Variants in PDE1C observed in about 807,000 individuals in gnomAD.
PDE1C encodes the protein dual specificity calcium/calmodulin-dependent 3',5'-cyclic nucleotide phosphodiesterase 1C.
A neutral mutation model predicts 93.1 loss-of-function variants in PDE1C; 62 were observed. The ratio of observed to expected loss-of-function variants is 0.67; its 90% CI spans 0.54 to 0.82. PDE1C has a LOEUF of 0.82. PDE1C is among the 40% of genes least tolerant of loss of function. The probability of loss-of-function intolerance (pLI) is 0.00; values close to 1 mark genes in which losing one functional copy is unlikely to be tolerated. For synonymous variants in PDE1C, 325 were observed against 310.1 expected, an observed-to-expected ratio of 1.05 and a Z score of -0.50; for missense variants, 742 against 884.6, an observed-to-expected ratio of 0.84 and a Z score of 2.04.
At chr7:31,829,610 G>A (rs1790123351) in intron 11 of PDE1C, among the ~76,000 whole-genome samples, 2 of 152,108 alleles carry the variant, frequency 1.3e-5, no homozygotes, top group African/African-American at 4.8e-5. Flanking sequence ...TGTGTCTGAG[G>A]CAGCTCAACA....
At position 32,054,663 on chromosome 7, in the gene PDE1C, AG is replaced by A. The variant is rs370557794; in HGVS notation, c.102-3084del. Reference sequence around the variant, plus strand: ...AAGACAGACCAGAAGTCTGATTTTCAGTCCAACTCACCTTCCTGACACGCCC... The same window carrying A: ...AAGACAGACCAGAAGTCTGATTTTCATCCAACTCACCTTCCTGACACGCCC... On this transcript the variant is annotated intron_variant, in intron 1 of 17. Coordinates refer to ENST00000396191, the MANE Select transcript of PDE1C (RefSeq NM_001191057.4). Among the ~76,000 whole-genome samples, 120 of 152,352 alleles carry A rather than the reference AG, an allele frequency of 7.9e-4. 1 individual carries two copies. The highest frequency in any genetic ancestry group is 2.8e-3 in the African/African-American group (116 of 41,578).
intron 3 of PDE1C, among the ~76,000 whole-genome samples, chr7:32,146,787 G>T (rs567719712): frequency 6.6e-6 from 1 of 152,040 alleles, no homozygotes; most frequent in Non-Finnish European, 1.5e-5. Flanking sequence ...AGCGAATAAG[G>T]CATAGAAAAA....
chr7:32,388,133 T>C (rs576420025), intron 1 of PDE1C, among the ~76,000 whole-genome samples: 4 of 152,328 alleles, frequency 2.6e-5, no homozygotes, highest in Admixed American at 2.6e-4. Context: ...AATTAATACA[T>C]TGACTTTTAT....
At chr7:32,213,333 T>A (rs1181095969) in intron 1 of PDE1C, among the ~76,000 whole-genome samples, 1 of 152,184 alleles carries the variant, frequency 6.6e-6, no homozygotes, top group Non-Finnish European at 1.5e-5. Flanking sequence ...AACACTGAGA[T>A]GGTCCCTCGG....
chr7:31,702,966 A>T, the PDE1C span, among the ~76,000 whole-genome samples: 1 of 152,312 alleles, frequency 6.6e-6, no homozygotes, highest in Admixed American at 6.5e-5. Context: ...GAAATTGAAC[A>T]TGGTCTTTGG....
chr7:31,757,605 T>G (rs973977915), intron 17 of PDE1C, among the ~76,000 whole-genome samples: 1 of 152,140 alleles, frequency 6.6e-6, no homozygotes, highest in Non-Finnish European at 1.5e-5. Flanking sequence ...AGATACCATC[T>G]CACACCAGTT....
At chr7:32,326,062 A>T (rs1251957279) in intron 1 of PDE1C, among the ~76,000 whole-genome samples, 1 of 152,186 alleles carries the variant, frequency 6.6e-6, no homozygotes, top group Non-Finnish European at 1.5e-5. Flanking sequence ...TGAGGAAAAA[A>T]AAAAGGAATC....
intron 2 of PDE1C, among the ~76,000 whole-genome samples, chr7:32,018,739 C>G (rs1414905480): frequency 6.6e-6 from 1 of 152,070 alleles, no homozygotes; most frequent in East Asian, 1.9e-4. Flanking sequence ...ATATTTTAAA[C>G]TTAAACTTTG....
chr7:31,691,822 A>C, the PDE1C span, among the ~76,000 whole-genome samples: 9 of 141,648 alleles, frequency 6.4e-5, no homozygotes, highest in African/African-American at 1.3e-4. Context: ...AAAAAAAAAA[A>C]CCAAGCAAAA....
At chr7:31,888,712 T>A (rs1333443445) in intron 2 of PDE1C, among the ~76,000 whole-genome samples, 1 of 152,116 alleles carries the variant, frequency 6.6e-6, no homozygotes, top group Non-Finnish European at 1.5e-5. Context: ...TGATACAGAA[T>A]TGTATCAGAG....
intron 1 of PDE1C, among the ~76,000 whole-genome samples, chr7:32,362,830 G>C (rs1194969784): frequency 6.6e-6 from 1 of 152,202 alleles, no homozygotes; most frequent in Non-Finnish European, 1.5e-5. Context: ...CACTCCAAAG[G>C]TGAAAGATGA....
intron 1 of PDE1C, among the ~76,000 whole-genome samples, chr7:32,297,530 G>A (rs1812662976): frequency 6.6e-6 from 1 of 152,050 alleles, no homozygotes; most frequent in African/African-American, 2.4e-5. Flanking sequence ...AGGAAGATGT[G>A]GAGGCAATCC....
At chr7:31,754,761 A>G (rs917933130) in intron 17 of PDE1C, among the ~76,000 whole-genome samples, 1 of 152,218 alleles carries the variant, frequency 6.6e-6, no homozygotes, top group Admixed American at 6.5e-5. Context: ...TAAATAGGTG[A>G]AGCACAGGGA....
intron 2 of PDE1C, among the ~76,000 whole-genome samples, chr7:31,884,301 C>T (rs965115580): frequency 2.4e-4 from 36 of 151,480 alleles, no homozygotes; most frequent in African/African-American, 8.7e-4. Context: ...AAAAAAATCA[C>T]TAATGGAAAC....
chr7:32,226,054 T>A (rs1807241698), intron 1 of PDE1C, among the ~76,000 whole-genome samples: 1 of 152,014 alleles, frequency 6.6e-6, no homozygotes, highest in Non-Finnish European at 1.5e-5. Flanking sequence ...CGAGACTCCA[T>A]CTCAAAAAGA....
upstream of PDE1C, chr7:32,070,660 G>GGATAGA: frequency 7.4e-7 from 1 of 1,351,052 alleles, no homozygotes; most frequent in Non-Finnish European, 9.5e-7. Context: ...ACAGGGATAG[G>GGATAGA]GATAGAGATA....
chr7:31,643,070 G>T, the PDE1C span: 1 of 1,613,944 alleles, frequency 6.2e-7, no homozygotes, highest in South Asian at 1.1e-5. Context: ...CATCCTCTGG[G>T]GTTTATGGTA....
chr7:32,005,555 CAAAAAAAAA>C lies in PDE1C; in HGVS notation c.128+45990_128+45998del, dbSNP rs59246166. 3.0e-3 allele frequency among the ~76,000 whole-genome samples: 151 copies of C among 50,770 alleles called. 5 individuals are homozygous for C. The highest frequency in any genetic ancestry group is 0.011 in the African/African-American group (142 of 12,616). 33.3% of individuals were successfully genotyped at this position (50,770 alleles called of 152,430 possible). A position where few individuals can be genotyped will look rare whatever the true frequency, so the allele number is the denominator to read the frequency against. On this transcript the variant is annotated intron_variant, in intron 2 of 17. Coordinates refer to ENST00000396191, the MANE Select transcript of PDE1C (RefSeq NM_001191057.4). The stretch of plus-strand genomic sequence containing the variant: ...TGGGCGACAGAGCGAGACTCCATTT[CAAAAAAAAA>C]AAAAAAAAAAAAAAAAAGAATTGTG...
At chr7:32,425,810 A>G (rs1785516040) in intron 1 of PDE1C, among the ~76,000 whole-genome samples, 1 of 152,096 alleles carries the variant, frequency 6.6e-6, no homozygotes. Context: ...GCATGGTGGC[A>G]TGTACCTGTA....
Sources: allele counts gnomAD v4.1 joint callset (sites outside exome capture counted in the v4.1 genomes callset), GRCh38; gene constraint gnomAD v4.1.1; transcripts MANE v1.5; gene names NCBI Gene and HGNC (gene_info 2026-07-23, HGNC 2026-07-21).